Variants in ADGRL3 observed in about 807,000 individuals in gnomAD.
The protein encoded by ADGRL3 is adhesion G protein-coupled receptor L3.
Under a neutral mutation model 153.5 loss-of-function variants are expected in ADGRL3, and 62 were observed. The observed-to-expected ratio is 0.40, with a 90% CI of 0.33 to 0.50. ADGRL3 has a LOEUF of 0.50. Among genes scored for constraint, ADGRL3 ranks in the 20% least tolerant of loss-of-function variants. The probability of loss-of-function intolerance (pLI) is 0.47; values close to 1 mark genes in which losing one functional copy is unlikely to be tolerated. For synonymous variants in ADGRL3, 710 were observed against 672.5 expected (o/e 1.06, Z -0.86); for missense variants, 1,641 against 1,859.4 (o/e 0.88, Z 2.16).
intron 2 of ADGRL3, among the ~76,000 whole-genome samples, chr4:61,487,744 A>C (rs968561683): frequency 6.6e-6 from 1 of 152,070 alleles, no homozygotes; most frequent in Non-Finnish European, 1.5e-5. Flanking sequence ...ATAACTAGTT[A>C]TCATGAATAT....
intron 4 of ADGRL3, among the ~76,000 whole-genome samples, chr4:61,536,964 T>C (rs1253355138): frequency 6.6e-6 from 1 of 152,144 alleles, no homozygotes; most frequent in African/African-American, 2.4e-5. Flanking sequence ...ATATAACTGC[T>C]TTGATAAGAT....
chr4:61,370,594 A>G (rs1388862522), intron 1 of ADGRL3, among the ~76,000 whole-genome samples: 5 of 151,918 alleles, frequency 3.3e-5, no homozygotes, highest in African/African-American at 1.2e-4. Flanking sequence ...GGTCTGAGAG[A>G]TAGTTTGTTA....
At chr4:61,710,181 G>A (rs1469973688) in intron 6 of ADGRL3, among the ~76,000 whole-genome samples, 9 of 152,062 alleles carry the variant, frequency 5.9e-5, no homozygotes, top group Non-Finnish European at 1.5e-5. Flanking sequence ...TTTGTCCCAG[G>A]CTTTGGAGTC....
At chr4:61,231,544 C>T (rs565725853) in intron 1 of ADGRL3, among the ~76,000 whole-genome samples, 2 of 152,226 alleles carry the variant, frequency 1.3e-5, no homozygotes, top group African/African-American at 4.8e-5. Context: ...CTTTCTTCTT[C>T]ACCTGGCTGT....
At chr4:61,395,571 G>A (rs1016729847) in intron 2 of ADGRL3, among the ~76,000 whole-genome samples, 1 of 151,716 alleles carries the variant, frequency 6.6e-6, no homozygotes, top group Non-Finnish European at 1.5e-5. Context: ...TTTTCTAGCT[G>A]CAGTTAAAAC....
intron 17 of ADGRL3, among the ~76,000 whole-genome samples, chr4:61,954,201 A>G (rs1487386957): frequency 1.3e-5 from 2 of 152,026 alleles, no homozygotes; most frequent in Admixed American, 6.6e-5. Flanking sequence ...GTTCTTTCAG[A>G]TGCTCTGGTC....
chr4:61,576,912 A>T (rs1483769887), intron 4 of ADGRL3, among the ~76,000 whole-genome samples: 4 of 151,806 alleles, frequency 2.6e-5, no homozygotes, highest in Non-Finnish European at 4.4e-5. Context: ...AATAAAGGGG[A>T]ATATTTTCCA....
At chr4:61,233,789 G>A (rs1177529993) in intron 1 of ADGRL3, among the ~76,000 whole-genome samples, 2 of 152,050 alleles carry the variant, frequency 1.3e-5, no homozygotes, top group Non-Finnish European at 2.9e-5. Flanking sequence ...CCTAATTCTG[G>A]GCCTTGATGG....
intron 5 of ADGRL3, among the ~76,000 whole-genome samples, chr4:61,649,213 A>G (rs919610464): frequency 6.6e-6 from 1 of 152,104 alleles, no homozygotes; most frequent in Non-Finnish European, 1.5e-5. Context: ...TGGATGTAAC[A>G]TCGCTTATTT....
intron 25 of ADGRL3, among the ~76,000 whole-genome samples, chr4:62,059,078 T>C (rs1411008601): frequency 6.6e-6 from 1 of 152,160 alleles, no homozygotes; most frequent in African/African-American, 2.4e-5. Context: ...TTCTACCTAG[T>C]GAATGTGGAC....
intron 4 of ADGRL3, among the ~76,000 whole-genome samples, chr4:61,554,521 T>TA (rs1482249942): frequency 4.6e-5 from 7 of 152,106 alleles, no homozygotes; most frequent in African/African-American, 1.4e-4. Flanking sequence ...TATTCATATT[T>TA]AAAATTTCAT....
intron 3 of ADGRL3, among the ~76,000 whole-genome samples, chr4:61,505,661 T>A (rs1371163048): frequency 6.6e-6 from 1 of 152,044 alleles, no homozygotes; most frequent in Non-Finnish European, 1.5e-5. Flanking sequence ...AAATATTGAG[T>A]CTTTCATTTT....
intron 9 of ADGRL3, among the ~76,000 whole-genome samples, chr4:61,842,075 A>G (rs1428452570): frequency 6.6e-6 from 1 of 152,248 alleles, no homozygotes; most frequent in Non-Finnish European, 1.5e-5. Context: ...TTTTAAATGT[A>G]CAACAGAATT....
At position 61,675,951 on chromosome 4, in the gene ADGRL3, T is replaced by C. The variant is rs6551643; in HGVS notation, c.474-875T>C. On this transcript the variant is annotated intron_variant, in intron 5 of 26. Coordinates refer to ENST00000683033, the MANE Select transcript of ADGRL3 (RefSeq NM_001387552.1). ...GGAACCATCTTCACTTCCTCCCCCC[T>C]CTACCCCTCACTCCGTTCCCAGCCT... 1.2e-3 allele frequency among the ~76,000 whole-genome samples: 188 copies of C among 151,590 alleles called. 2 individuals carry two copies. The highest frequency in any genetic ancestry group is 4.5e-3 in the African/African-American group (184 of 41,210).
At position 61,497,309 on chromosome 4, in the gene ADGRL3, C is replaced by T; in HGVS notation, c.16C>T (p.Leu6=). 1 of 1,605,756 alleles carries T rather than the reference C, an allele frequency of 6.2e-7. No individual in the cohort carries two copies. MWPSQ[L]LIFMMLLAPI... is the part of the protein sequence containing the mutation. ...GTAGACAGCCATGTGGCCATCGCAGCTACTAATTTTCATGATGCTCTTAGC... is the reference window on the plus strand; with the variant it reads ...GTAGACAGCCATGTGGCCATCGCAGTTACTAATTTTCATGATGCTCTTAGC... The change falls in exon 3 of 27, where the codon CTA becomes TTA. Residue 6 remains leucine (L), a synonymous_variant. Transcript: ENST00000683033.
intron 1 of ADGRL3, among the ~76,000 whole-genome samples, chr4:61,203,082 C>G (rs1045163721): frequency 1.3e-5 from 2 of 152,108 alleles, no homozygotes; most frequent in Admixed American, 6.6e-5. Context: ...GTGCAGCGCT[C>G]GATGCACCCC....
chr4:61,291,173 A>C (rs1474952421), intron 1 of ADGRL3, among the ~76,000 whole-genome samples: 1 of 70,152 alleles, frequency 1.4e-5, no homozygotes, highest in South Asian at 6.0e-4. Flanking sequence ...TGCCTGGATC[A>C]ATACACACAC....
intron 2 of ADGRL3, among the ~76,000 whole-genome samples, chr4:61,414,487 A>G (rs1205378877): frequency 2.0e-5 from 3 of 152,058 alleles, no homozygotes; most frequent in African/African-American, 7.2e-5. Flanking sequence ...AAATTTCTTT[A>G]TTCTTCTCCT....
At chr4:61,784,621 C>T (rs190619310) in intron 8 of ADGRL3, among the ~76,000 whole-genome samples, 42 of 152,138 alleles carry the variant, frequency 2.8e-4, no homozygotes, top group African/African-American at 1.0e-3. Flanking sequence ...ATTATAATGA[C>T]ACCTAGAACA....
Sources: allele counts gnomAD v4.1 joint callset (sites outside exome capture counted in the v4.1 genomes callset), GRCh38; gene constraint gnomAD v4.1.1; transcripts MANE v1.5; gene names NCBI Gene and HGNC (gene_info 2026-07-23, HGNC 2026-07-21).